The following FARS2 variants were observed in gnomAD, a reference collection of about 807,000 sequenced individuals.
FARS2 encodes the protein phenylalanyl-tRNA synthetase 2, mitochondrial.
In FARS2, 40 loss-of-function variants were observed where a neutral mutation model predicts 46.4. The ratio of observed to expected loss-of-function variants is 0.86; its 90% confidence interval spans 0.67 to 1.12. The LOEUF (loss-of-function observed/expected upper bound fraction) is 1.12, where lower values mean the gene tolerates loss of function less well. Among genes scored for constraint, FARS2 ranks in the 50% most tolerant of loss-of-function variants. The pLI is 0.00. For missense variants in FARS2, 513 were observed against 567.9 expected (o/e 0.90, Z 0.98); for synonymous variants, 234 against 214.9 (o/e 1.09, Z -0.78).
chr6:5,401,730 A>G (rs1207918259), intron 2 of FARS2, among the ~76,000 whole-genome samples: 1 of 152,112 alleles, frequency 6.6e-6, no homozygotes, highest in African/African-American at 2.4e-5. Context: ...GCATTGATGG[A>G]TATAAACTTC....
At chr6:5,523,695 A>G (rs373424283) in intron 4 of FARS2, among the ~76,000 whole-genome samples, 44 of 152,064 alleles carry the variant, frequency 2.9e-4, no homozygotes, top group East Asian at 1.6e-3. Context: ...CAAACTCACA[A>G]TTTTTCTACT....
chr6:5,484,431 G>C (rs986990661), intron 4 of FARS2, among the ~76,000 whole-genome samples: 1 of 152,220 alleles, frequency 6.6e-6, no homozygotes, highest in Non-Finnish European at 1.5e-5. Context: ...TTCCATATCT[G>C]TGCTGTCCAG....
intron 6 of FARS2, among the ~76,000 whole-genome samples, chr6:5,744,617 G>A (rs566695206): frequency 6.6e-6 from 1 of 152,098 alleles, no homozygotes; most frequent in African/African-American, 2.4e-5. Flanking sequence ...GCAGCTTATC[G>A]GGAAGGCGCT....
chr6:5,605,001 GTCC>G (rs1174217193), intron 5 of FARS2, among the ~76,000 whole-genome samples: 2 of 152,190 alleles, frequency 1.3e-5, no homozygotes, highest in African/African-American at 2.4e-5. Flanking sequence ...GGAGACCTTT[GTCC>G]TCCTCCCTGA....
At chr6:5,757,422 T>C in intron 6 of FARS2, among the ~76,000 whole-genome samples, 1 of 152,106 alleles carries the variant, frequency 6.6e-6, no homozygotes, top group East Asian at 1.9e-4. Flanking sequence ...AGTCCCTAGA[T>C]TTATCCAAGT....
intron 6 of FARS2, among the ~76,000 whole-genome samples, chr6:5,625,774 A>G (rs759367103): frequency 2.6e-5 from 4 of 152,174 alleles, no homozygotes; most frequent in Non-Finnish European, 2.9e-5. Context: ...CTCTGCTGTT[A>G]CAGCAGAATC....
intron 1 of FARS2, among the ~76,000 whole-genome samples, chr6:5,288,416 A>G (rs1342649129): frequency 2.0e-5 from 3 of 152,216 alleles, no homozygotes; most frequent in African/African-American, 4.8e-5. Flanking sequence ...AATCACTATC[A>G]GAACACTTGG....
intron 5 of FARS2, among the ~76,000 whole-genome samples, chr6:5,597,015 C>T (rs1333171196): frequency 2.0e-5 from 3 of 152,168 alleles, no homozygotes; most frequent in Non-Finnish European, 2.9e-5. Context: ...GCTGAGCACC[C>T]GCTTTTGCAG....
At chr6:5,397,877 A>T (rs1337847896) in intron 2 of FARS2, among the ~76,000 whole-genome samples, 1 of 152,134 alleles carries the variant, frequency 6.6e-6, no homozygotes, top group Non-Finnish European at 1.5e-5. Context: ...CTTTATCATG[A>T]CTTTGATATG....
chr6:5,664,073 C>T (rs1025099863), intron 6 of FARS2, among the ~76,000 whole-genome samples: 2 of 152,190 alleles, frequency 1.3e-5, no homozygotes, highest in Non-Finnish European at 2.9e-5. Context: ...AGTGAAAGTG[C>T]AATCTGAACA....
chr6:5,459,769 C>G (rs71557563), intron 4 of FARS2, among the ~76,000 whole-genome samples: 1 of 152,180 alleles, frequency 6.6e-6, no homozygotes, highest in South Asian at 2.1e-4. Context: ...GTATGCCTTT[C>G]CCTTTTCCCC....
In FARS2 at chr6:5,398,046, A is replaced by T. The variant is rs73718095; in HGVS notation, c.613-6496A>T. 1.2e-4 allele frequency among the ~76,000 whole-genome samples: 18 copies of T among 152,274 alleles called. No individual in the cohort carries two copies. In the East Asian group the frequency reaches 1.5e-3, roughly 13 times the overall value. On this transcript the variant is annotated intron_variant, in intron 2 of 6. Coordinates refer to ENST00000274680, the MANE Select transcript of FARS2 (RefSeq NM_006567.5). ...TTCTATCATGAAGAACGTGGTGGTG[A>T]TATGTTAACTCTGATCACTCGGTAA...
At chr6:5,415,020 A>G (rs1373432254) in intron 3 of FARS2, among the ~76,000 whole-genome samples, 4 of 151,584 alleles carry the variant, frequency 2.6e-5, no homozygotes, top group Non-Finnish European at 4.4e-5. Flanking sequence ...GGTTTCACCA[A>G]CTTGGCCAGG....
intron 6 of FARS2, among the ~76,000 whole-genome samples, chr6:5,679,218 T>A (rs1000793649): frequency 3.3e-5 from 5 of 152,188 alleles, no homozygotes; most frequent in African/African-American, 7.2e-5. Context: ...TCCTTCAGGC[T>A]ATGCTTTCTA....
chr6:5,313,335 T>A (rs1769223714), intron 1 of FARS2, among the ~76,000 whole-genome samples: 1 of 152,206 alleles, frequency 6.6e-6, no homozygotes, highest in African/African-American at 2.4e-5. Context: ...CAGTGACTTC[T>A]GATTTACTGC....
chr6:5,438,570 A>G (rs1763667763), intron 4 of FARS2, among the ~76,000 whole-genome samples: 1 of 151,958 alleles, frequency 6.6e-6, no homozygotes. Context: ...TCTTCTGAGA[A>G]TTCCTGTATT....
chr6:5,581,848 G>A (rs1417348282), intron 5 of FARS2, among the ~76,000 whole-genome samples: 3 of 151,988 alleles, frequency 2.0e-5, no homozygotes, highest in Non-Finnish European at 1.5e-5. Context: ...CATACTTCCG[G>A]TTAATTCCTG....
chr6:5,617,873 C>T lies in FARS2; in HGVS notation c.1217+4553C>T, dbSNP rs62385466. 2.8e-3 allele frequency among the ~76,000 whole-genome samples: 427 copies of T among 152,224 alleles called. 1 individual carries two copies. The highest frequency in any genetic ancestry group is 6.8e-3 in the Middle Eastern group (2 of 294). On this transcript the variant is annotated intron_variant, in intron 6 of 6. Transcript: ENST00000274680. ...ATTTTTTAGATCTCATTATTGACAG[C>T]CAAAGCAAAACCTAGCTATTACAGT...
intron 4 of FARS2, among the ~76,000 whole-genome samples, chr6:5,538,624 A>G (rs940798047): frequency 7.9e-5 from 12 of 152,188 alleles, no homozygotes; most frequent in South Asian, 4.1e-4. Context: ...TCTAAGATCA[A>G]TTTATTTCCT....
Sources: gnomAD v4.1 joint callset for allele counts (sites outside exome capture counted in the v4.1 genomes callset) on GRCh38, gnomAD v4.1.1 for gene constraint, MANE v1.5 for transcripts, NCBI Gene and HGNC (gene_info 2026-07-23, HGNC 2026-07-21) for gene names.